The following SEMA6D variants were observed in gnomAD, a reference collection of about 807,000 sequenced individuals.
The protein encoded by SEMA6D is semaphorin-6D.
Under a neutral mutation model 106.6 loss-of-function variants are expected in SEMA6D, and 35 were observed. The ratio of observed to expected loss-of-function variants is 0.33; its 90% CI spans 0.25 to 0.44. The LOEUF (loss-of-function observed/expected upper bound fraction) is 0.44. Ranked by LOEUF, SEMA6D falls within the 20% of genes least tolerant of loss-of-function variation. The pLI is 1.00. For missense variants in SEMA6D, 1,185 were observed against 1,345.9 expected, an observed-to-expected ratio of 0.88 and a Z score of 1.87; for synonymous variants, 499 against 487.7, an observed-to-expected ratio of 1.02 and a Z score of -0.31.
rs192558222 is a variant in SEMA6D at position 47,502,079 on chromosome 15, C to T, written c.-87+31534C>T. On this transcript the variant is annotated intron_variant, in intron 3 of 19. Transcript: ENST00000558014. ...CTGATGTTTCCTCAGTATTTAGCATCCACGCTAACAACAATTTCAGTATTT... is the reference window on the plus strand; with the variant it reads ...CTGATGTTTCCTCAGTATTTAGCATTCACGCTAACAACAATTTCAGTATTT... 4.6e-5 allele frequency among the ~76,000 whole-genome samples: 7 copies of T among 152,196 alleles called. No homozygotes were observed. The East Asian group carries it at 1.2e-3, about 25-fold the overall frequency.
chr15:47,659,170 A>G (rs191051571), intron 4 of SEMA6D, among the ~76,000 whole-genome samples: 1 of 152,162 alleles, frequency 6.6e-6, no homozygotes, highest in East Asian at 1.9e-4. Flanking sequence ...TTTCCAAAAT[A>G]TACAAATAAT....
intron 8 of SEMA6D, 102 bp downstream of exon 8, chr15:47,762,421 T>A (rs2082110879): frequency 7.5e-6 from 10 of 1,342,114 alleles, no homozygotes; most frequent in African/African-American, 1.5e-5. Context: ...GACTTTATAT[T>A]GTTTATTTAG....
At chr15:47,289,752 A>T (rs971955999) in intron 1 of SEMA6D, among the ~76,000 whole-genome samples, 2 of 152,034 alleles carry the variant, frequency 1.3e-5, no homozygotes, top group African/African-American at 4.8e-5. Context: ...GAGGTGGGAA[A>T]ATCTTAGGGC....
chr15:47,296,937 A>T (rs933129280), intron 1 of SEMA6D, among the ~76,000 whole-genome samples: 2 of 152,182 alleles, frequency 1.3e-5, no homozygotes, highest in African/African-American at 4.8e-5. Flanking sequence ...TTCGGTCTGT[A>T]AAAAGGAAAA....
At chr15:47,456,927 GTCT>G (rs2042362147) in intron 2 of SEMA6D, among the ~76,000 whole-genome samples, 1 of 151,934 alleles carries the variant, frequency 6.6e-6, no homozygotes, top group Non-Finnish European at 1.5e-5. Flanking sequence ...GTGTTCCCAA[GTCT>G]TCTCTGCATT....
At chr15:47,696,059 T>C (rs2078692054) in intron 4 of SEMA6D, among the ~76,000 whole-genome samples, 2 of 152,212 alleles carry the variant, frequency 1.3e-5, no homozygotes, top group Admixed American at 6.5e-5. Context: ...AATCTATTAT[T>C]TCCTTAGCAC....
intron 1 of SEMA6D, among the ~76,000 whole-genome samples, chr15:47,288,463 A>G (rs1003625255): frequency 4.6e-5 from 7 of 152,158 alleles, no homozygotes; most frequent in African/African-American, 1.7e-4. Flanking sequence ...GATTTTACCA[A>G]TGTTGAAATT....
intron 3 of SEMA6D, among the ~76,000 whole-genome samples, chr15:47,550,885 A>C (rs1351391631): frequency 1.3e-5 from 2 of 152,188 alleles, no homozygotes; most frequent in Admixed American, 6.5e-5. Flanking sequence ...TTGGGGCAAA[A>C]TTCGATGTGG....
intron 1 of SEMA6D, among the ~76,000 whole-genome samples, chr15:47,272,292 A>G (rs572332311): frequency 6.6e-6 from 1 of 152,304 alleles, no homozygotes; most frequent in African/African-American, 2.4e-5. Flanking sequence ...TTCCCATAGT[A>G]GGGGAGAAGT....
At chr15:47,383,192 C>T (rs1857264691) in intron 1 of SEMA6D, among the ~76,000 whole-genome samples, 1 of 152,170 alleles carries the variant, frequency 6.6e-6, no homozygotes, top group South Asian at 2.1e-4. Flanking sequence ...TCCTCTATTT[C>T]CAAGGACATA....
intron 4 of SEMA6D, among the ~76,000 whole-genome samples, chr15:47,705,260 G>T (rs1234584120): frequency 6.6e-6 from 1 of 152,146 alleles, no homozygotes; most frequent in Non-Finnish European, 1.5e-5. Context: ...ACCCCCAAGT[G>T]ATTCTGATAT....
intron 1 of SEMA6D, among the ~76,000 whole-genome samples, chr15:47,354,217 A>G (rs1412843884): frequency 3.4e-5 from 5 of 148,174 alleles, no homozygotes; most frequent in Non-Finnish European, 7.4e-5. Flanking sequence ...ATATATATAT[A>G]TATATACACA....
chr15:47,567,653 C>A (rs975077892), intron 3 of SEMA6D, among the ~76,000 whole-genome samples: 3 of 152,158 alleles, frequency 2.0e-5, no homozygotes, highest in Non-Finnish European at 4.4e-5. Context: ...TGTTTTCCTT[C>A]AATTTGTATT....
chr15:47,581,705 C>T (rs1168576671), intron 3 of SEMA6D, among the ~76,000 whole-genome samples: 2 of 152,186 alleles, frequency 1.3e-5, no homozygotes, highest in African/African-American at 4.8e-5. Flanking sequence ...CTGGTTTCAA[C>T]TCATGTAGAC....
intron 1 of SEMA6D, among the ~76,000 whole-genome samples, chr15:47,211,835 G>A (rs1023305005): frequency 4.6e-5 from 7 of 152,000 alleles, no homozygotes; most frequent in African/African-American, 1.2e-4. Context: ...GGTAACATAC[G>A]TTACCTTTAA....
At chr15:47,272,892 G>C (rs151157321) in intron 1 of SEMA6D, 66 of 152,272 alleles carry the variant, frequency 4.3e-4, no homozygotes, top group African/African-American at 1.6e-3. Flanking sequence ...AGGAATTTCA[G>C]ATTGGACTTT....
chr15:47,337,961 G>A (rs2037638315), intron 1 of SEMA6D, among the ~76,000 whole-genome samples: 1 of 152,166 alleles, frequency 6.6e-6, no homozygotes, highest in Non-Finnish European at 1.5e-5. Flanking sequence ...ATGGAGGTCG[G>A]TTTTGCCTTT....
At chr15:47,228,163 C>CACACATATAT (rs374770930) in intron 1 of SEMA6D, among the ~76,000 whole-genome samples, 4 of 136,810 alleles carry the variant, frequency 2.9e-5, no homozygotes, top group African/African-American at 1.1e-4. Context: ...CACACACACA[C>CACACATATAT]ATATATATAT....
intron 1 of SEMA6D, among the ~76,000 whole-genome samples, chr15:47,722,495 G>C (rs1222643315): frequency 1.3e-5 from 2 of 151,948 alleles, no homozygotes; most frequent in Admixed American, 1.3e-4. Flanking sequence ...TACTCAATAA[G>C]ATATCTGTTA....
Sources: allele counts gnomAD v4.1 joint callset (sites outside exome capture counted in the v4.1 genomes callset), GRCh38; gene constraint gnomAD v4.1.1; transcripts MANE v1.5; gene names NCBI Gene and HGNC (gene_info 2026-07-23, HGNC 2026-07-21).